The following MYO1C variants were observed in gnomAD, a reference collection of about 807,000 sequenced individuals.
MYO1C encodes myosin IC.
In MYO1C, 104 loss-of-function variants were observed where a neutral mutation model predicts 150.8. The observed-to-expected ratio is 0.69, with a 90% CI of 0.59 to 0.81. The LOEUF is 0.81. MYO1C is among the 30% of genes least tolerant of loss of function. The probability of loss-of-function intolerance (pLI) is 0.00; values close to 1 mark genes in which losing one functional copy is unlikely to be tolerated. For missense variants in MYO1C, 1,504 were observed against 1,435.0 expected (o/e 1.05, Z -0.78); for synonymous variants, 663 against 579.9 (o/e 1.14, Z -2.06).
intron 1 of MYO1C, among the ~76,000 whole-genome samples, chr17:1,490,115 C>T (rs1004750293): frequency 2.6e-5 from 4 of 151,642 alleles, no homozygotes; most frequent in African/African-American, 9.7e-5. Context: ...AGAAGGGTGG[C>T]ACTGTTTGAG....
In MYO1C at chr17:1,465,680, G is replaced by A. The variant is rs755114267; in HGVS notation, c.*46C>T. The A allele has an allele frequency of 2.0e-5, 27 of 1,329,200 alleles. No homozygotes were observed. Among genetic ancestry groups the A allele is most frequent in the Non-Finnish European group, 2.6e-5 (27 of 1,028,784 alleles). 82.3% of individuals were successfully genotyped at this position (1,329,200 alleles called of 1,614,324 possible). A position where few individuals can be genotyped will look rare whatever the true frequency, so the allele number is the denominator to read the frequency against. On this transcript the variant is annotated 3_prime_UTR_variant, in exon 32 of 32. Transcript: ENST00000648651. ...TTGGTAACTGGGAAGGGGAGGAGGA[G>A]AAAAGCAAAGCATTGGGCGTTGGGA... is the stretch of plus-strand genomic sequence containing the variant.
At chr17:1,481,384 ATGTCACC>A (rs2074516927) in intron 5 of MYO1C, 1 of 168,334 alleles carries the variant, frequency 5.9e-6, no homozygotes, top group Non-Finnish European at 1.3e-5. Context: ...GTCTGAGCCA[ATGTCACC>A]TGTCACCTAC....
rs2074153395 is a variant in MYO1C at position 1,465,604 on chromosome 17, T to C, written c.*122A>G. ...GAGGGATGGGCAGGAGGTGGGAGAT[T>C]GCAGGTGGGCTTCGGGGTGTCCCTG... On this transcript the variant is annotated 3_prime_UTR_variant, in exon 32 of 32. Coordinates refer to ENST00000648651, the MANE Select transcript of MYO1C (RefSeq NM_001080779.2). The C allele has an allele frequency of 9.6e-7, 1 of 1,043,232 alleles. No homozygotes were observed. The highest frequency in any genetic ancestry group is 1.3e-6 in the Non-Finnish European group (1 of 773,102). 64.6% of individuals were successfully genotyped at this position (1,043,232 alleles called of 1,614,324 possible). A position where few individuals can be genotyped will look rare whatever the true frequency, so the allele number is the denominator to read the frequency against.
At chr17:1,480,309 G>A (rs866286899) in intron 7 of MYO1C, among the ~76,000 whole-genome samples, 9 of 151,190 alleles carry the variant, frequency 6.0e-5, no homozygotes, top group East Asian at 3.9e-4. Flanking sequence ...TTAGCTGGGC[G>A]TGGTGGCGGG....
In MYO1C at chr17:1,479,406, C is replaced by A; in HGVS notation, c.1092+25G>T. On this transcript the variant is annotated intron_variant, in intron 9 of 31. Transcript: ENST00000648651. This position sits in a 1 kb window ranked among gnomAD's most constrained non-coding sequence, Gnocchi z 4.2. ...GCCTTGGAACAGCTGCCCCTCCACACCCGAGGGCAAGGGCCCGGCCTCACC... is the reference window on the plus strand; with the variant it reads ...GCCTTGGAACAGCTGCCCCTCCACAACCGAGGGCAAGGGCCCGGCCTCACC... 1 of 1,125,440 alleles carries A rather than the reference C, an allele frequency of 8.9e-7. No homozygotes were observed. The highest frequency in any genetic ancestry group is 2.6e-5 in the East Asian group (1 of 39,162). The allele number at this position is 1,125,440 out of a possible 1,614,324, so 69.7% of individuals were successfully genotyped here.
rs756615341 is a variant in MYO1C, at chr17:1,468,039, T to A, written c.2845A>T (p.Ile949Phe). Residue 949 changes from isoleucine to phenylalanine, a missense_variant, in exon 28 of 32, where the codon ATC becomes TTC. Coordinates refer to ENST00000648651, the MANE Select transcript of MYO1C (RefSeq NM_001080779.2). ...QLLLTPNAVV[I>F]VEDAKVKQRI... ...TGCTTGACTTTGGCGTCCTCCACGA[T>A]GACGACGGCGTTGGGCGTGAGCAGC... The A allele has an allele frequency of 8.1e-6, 13 of 1,612,980 alleles. No homozygotes were observed. The highest frequency in any genetic ancestry group is 1.1e-5 in the Non-Finnish European group (13 of 1,179,882).
At chr17:1,484,081 T>C in intron 2 of MYO1C, 67 bp downstream of exon 2, 1 of 1,578,962 alleles carries the variant, frequency 6.3e-7, no homozygotes, top group Admixed American at 1.7e-5. Context: ...CCTTGGTGTC[T>C]CTTTCCCCTC....
Position 1,471,920 on chromosome 17 carries a change from C to T in MYO1C, c.2008G>A (p.Ala670Thr), listed in dbSNP as rs372661616. The change falls in exon 19 of 32, where the codon GCT becomes ACT. Residue 670 changes from alanine to threonine, a missense_variant. Coordinates refer to ENST00000648651, the MANE Select transcript of MYO1C (RefSeq NM_001080779.2). ...ACCTGCCCCCACCTTTGCAGGAAAG[C>T]TTCGTATTTGCGGCGATAGGCAAAG... The part of the protein sequence containing the change: ...AGFAYRRKYE[A>T]FLQRYKSLCP... 1 of 1,614,122 alleles carries T rather than the reference C, an allele frequency of 6.2e-7. No homozygotes were observed. The highest frequency in any genetic ancestry group is 8.5e-7 in the Non-Finnish European group (1 of 1,180,026).
At chr17:1,485,798 G>GGCCC in intron 1 of MYO1C, 1 of 824,310 alleles carries the variant, frequency 1.2e-6, no homozygotes. Context: ...AGCGAGGGAG[G>GGCCC]GCCCGCCCCC....
Position 1,479,721 on chromosome 17 carries a change from GGGGGCAGGA to G in MYO1C, c.907-25_907-17del. The G allele has an allele frequency of 6.3e-7, 1 of 1,578,534 alleles. No homozygotes were observed. The highest frequency in any genetic ancestry group is 8.6e-7 in the Non-Finnish European group (1 of 1,156,582). On this transcript the variant is annotated splice_polypyrimidine_tract_variant and intron_variant, in intron 7 of 31. Transcript: ENST00000648651. The surrounding 1 kb of genome is among the most constrained non-coding windows in gnomAD (Gnocchi z 4.2). Reference sequence around the variant, plus strand: ...TCAGCAGGTCCTGGGGGAGCAGGCCGGGGGCAGGAGGGGGTGAGAGGGGCCAGAGAGCCC... The same window carrying G: ...TCAGCAGGTCCTGGGGGAGCAGGCCGGGGGGTGAGAGGGGCCAGAGAGCCC...
In MYO1C at chr17:1,465,609, G is replaced by A. The variant is rs1369564227; in HGVS notation, c.*117C>T. The A allele has an allele frequency of 7.3e-6, 8 of 1,089,508 alleles. No individual in the cohort carries two copies. Among genetic ancestry groups the A allele is most frequent in the African/African-American group, 3.2e-5 (2 of 61,632 alleles). The allele number at this position is 1,089,508 out of a possible 1,614,324, so 67.5% of individuals were successfully genotyped here. A position where few individuals can be genotyped will look rare whatever the true frequency, so the allele number is the denominator to read the frequency against. On this transcript the variant is annotated 3_prime_UTR_variant, in exon 32 of 32. Coordinates refer to ENST00000648651, the MANE Select transcript of MYO1C (RefSeq NM_001080779.2). ...ATGGGCAGGAGGTGGGAGATTGCAGGTGGGCTTCGGGGTGTCCCTGGGTCC... is the reference window on the plus strand; with the variant it reads ...ATGGGCAGGAGGTGGGAGATTGCAGATGGGCTTCGGGGTGTCCCTGGGTCC...
Position 1,479,769 on chromosome 17 carries a change from A to G in MYO1C, c.907-64T>C. 1 of 1,164,128 alleles carries G rather than the reference A, an allele frequency of 8.6e-7. No individual in the cohort carries two copies. The highest frequency in any genetic ancestry group is 1.3e-5 in the South Asian group (1 of 76,560). The allele number at this position is 1,164,128 out of a possible 1,614,324, so 72.1% of individuals were successfully genotyped here. A position where few individuals can be genotyped will look rare whatever the true frequency, so the allele number is the denominator to read the frequency against. ...GCCAGAGAGCCCCAAGAGGGCAACT[A>G]GCAGATGGCCATGCAGGGGTGGGTG... On this transcript the variant is annotated intron_variant, in intron 7 of 31. Transcript: ENST00000648651. The surrounding 1 kb of genome is among the most constrained non-coding windows in gnomAD (Gnocchi z 4.2).
chr17:1,481,155 G>A (rs1019780163), intron 5 of MYO1C: 18 of 498,954 alleles, frequency 3.6e-5, no homozygotes, highest in South Asian at 2.2e-4. Flanking sequence ...GCTCAACACC[G>A]GACCTTCTCC....
At position 1,477,600 on chromosome 17, in the gene MYO1C, G is replaced by T. The variant is rs200938541; in HGVS notation, c.1483-4C>A. The T allele has an allele frequency of 2.7e-5, 43 of 1,611,358 alleles. No homozygotes were observed. The highest frequency in any genetic ancestry group is 3.4e-5 in the Non-Finnish European group (40 of 1,178,288). On this transcript the variant is annotated splice_polypyrimidine_tract_variant and splice_region_variant and intron_variant, in intron 13 of 31. Coordinates refer to ENST00000648651, the MANE Select transcript of MYO1C (RefSeq NM_001080779.2). ...CGGGGCGCAGACACTCCTCATCCTG[G>T]GGGGTGTGGCACAGGGGGAAGGACG...
chr17:1,484,988 A>G, intron 1 of MYO1C: 1 of 671,860 alleles, frequency 1.5e-6, no homozygotes, highest in Non-Finnish European at 2.3e-6. Flanking sequence ...AGCTGGGCTC[A>G]GCCACCCACT....
At chr17:1,466,756 A>G (rs2074179953) in intron 31 of MYO1C, among the ~76,000 whole-genome samples, 1 of 151,316 alleles carries the variant, frequency 6.6e-6, no homozygotes, top group African/African-American at 2.4e-5. Context: ...CCCCACTAGT[A>G]GCTGGTATTA....
At chr17:1,477,761 C>T (rs1162420872) in intron 13 of MYO1C, 130 bp downstream of exon 13, 2 of 1,064,198 alleles carry the variant, frequency 1.9e-6, no homozygotes, top group African/African-American at 1.6e-5. Context: ...ATCCTCCATT[C>T]ACAGCTCTGC....
intron 2 of MYO1C, 129 bp downstream of exon 2, chr17:1,484,019 G>T: frequency 8.2e-7 from 1 of 1,222,656 alleles, no homozygotes; most frequent in Non-Finnish European, 1.1e-6. Context: ...TCCAGCCTGG[G>T]CAACAAGAGT....
Position 1,480,463 on chromosome 17 carries a change from A to C in MYO1C, c.906+64T>G, listed in dbSNP as rs921034393. 8.0e-5 allele frequency: 85 copies of C among 1,063,326 alleles called. 2 individuals are homozygous for C. The Admixed American group carries it at 1.6e-3, about 20-fold the overall frequency. 65.9% of individuals were successfully genotyped at this position (1,063,326 alleles called of 1,614,324 possible). A position where few individuals can be genotyped will look rare whatever the true frequency, so the allele number is the denominator to read the frequency against. On this transcript the variant is annotated intron_variant, in intron 7 of 31. Transcript: ENST00000648651. The stretch of plus-strand genomic sequence containing the variant: ...AACTCCGTCTCAAAAAATAAAAAAC[A>C]AAAAAAAAAGGAGATTTTGGGGGTG...
Sources: allele counts gnomAD v4.1 joint callset (sites outside exome capture counted in the v4.1 genomes callset), GRCh38; gene constraint gnomAD v4.1.1; non-coding constraint Gnocchi (gnomAD v3.1); transcripts MANE v1.5; gene names NCBI Gene and HGNC (gene_info 2026-07-23, HGNC 2026-07-21).